Variants in AARS1 observed in about 807,000 individuals in gnomAD.
AARS1 encodes the protein alanine--tRNA ligase, cytoplasmic.
AARS1 carries 72 observed loss-of-function variants against 108.9 expected under a neutral mutation model. The observed-to-expected ratio is 0.66, with a 90% CI of 0.55 to 0.80. The LOEUF (loss-of-function observed/expected upper bound fraction) is 0.80. Among genes scored for constraint, AARS1 ranks in the 30% least tolerant of loss-of-function variants. The pLI, the probability that AARS1 is intolerant of heterozygous loss-of-function variation, is 0.00. For synonymous variants in AARS1, 489 were observed against 465.7 expected (o/e 1.05, Z -0.64); for missense variants, 1,193 against 1,233.2 (o/e 0.97, Z 0.49).
At chr16:70,272,506 CAAAAAAAAAAAAA>C (rs34129241) in intron 4 of AARS1, among the ~76,000 whole-genome samples, 2 of 17,024 alleles carry the variant, frequency 1.2e-4, no homozygotes, top group Admixed American at 1.3e-3. Flanking sequence ...AACTCCATCT[CAAAAAAAAAAAAA>C]AAAAAAAAAA....
At chr16:70,256,038 C>T (rs1368225879) in intron 15 of AARS1, among the ~76,000 whole-genome samples, 4 of 152,194 alleles carry the variant, frequency 2.6e-5, no homozygotes, top group Non-Finnish European at 5.9e-5. Context: ...TCTCCCCACA[C>T]AGTTGCTGTG....
At chr16:70,270,063 A>T in intron 6 of AARS1, 133 bp downstream of exon 6, 3 of 1,161,706 alleles carry the variant, frequency 2.6e-6, no homozygotes, top group Non-Finnish European at 3.8e-6. Context: ...CATTATTAAC[A>T]ATGAAGTAGG....
chr16:70,276,213 CAAA>C, intron 4 of AARS1: 1 of 202,980 alleles, frequency 4.9e-6, no homozygotes, highest in Non-Finnish European at 1.0e-5. Flanking sequence ...AGCTCTGTCT[CAAA>C]AAAATAAATA....
chr16:70,252,515 G>C lies in AARS1; in HGVS notation c.*206C>G. 1 of 605,808 alleles carries C rather than the reference G, an allele frequency of 1.7e-6. No individual in the cohort carries two copies. Among genetic ancestry groups the C allele is most frequent in the Non-Finnish European group, 2.9e-6 (1 of 341,188 alleles). The allele number at this position is 605,808 out of a possible 1,614,324, so 37.5% of individuals were successfully genotyped here. On this transcript the variant is annotated 3_prime_UTR_variant, in exon 21 of 21. Coordinates refer to ENST00000261772, the MANE Select transcript of AARS1 (RefSeq NM_001605.3). ...GACGATCAACAGCAATGCGGGGTTA[G>C]TGGTTCTAGACCGATGGCACTGACG... is the stretch of plus-strand genomic sequence containing the variant.
chr16:70,262,995 A>C (rs796474046), intron 11 of AARS1, among the ~76,000 whole-genome samples: 62 of 128,772 alleles, frequency 4.8e-4, no homozygotes, highest in Non-Finnish European at 6.0e-4. Context: ...AAAAAAAAAA[A>C]AAACAACAAC....
At chr16:70,277,184 T>C (rs752143354) in intron 2 of AARS1, 30 bp from the exon 3 acceptor site, 3 of 1,609,074 alleles carry the variant, frequency 1.9e-6, no homozygotes, top group Non-Finnish European at 2.6e-6. Context: ...GTTCAACTTT[T>C]AAAGGGTGCA....
At chr16:70,259,228 C>T (rs776336061) in intron 13 of AARS1, 42 bp from the exon 14 acceptor site, 22 of 1,578,100 alleles carry the variant, frequency 1.4e-5, no homozygotes, top group Non-Finnish European at 1.9e-5. Flanking sequence ...CTGTAATAGA[C>T]TGCTAGTTAT....
intron 11 of AARS1, among the ~76,000 whole-genome samples, chr16:70,264,543 C>T (rs1960219306): frequency 6.6e-6 from 1 of 151,998 alleles, no homozygotes; most frequent in African/African-American, 2.4e-5. Context: ...TCTCAAACTC[C>T]TGACCTTAGG....
chr16:70,270,687 A>G (rs1266856905), intron 5 of AARS1, among the ~76,000 whole-genome samples: 1 of 151,776 alleles, frequency 6.6e-6, no homozygotes, highest in Non-Finnish European at 1.5e-5. Flanking sequence ...AAAATACAAA[A>G]TTAGCCGAGC....
chr16:70,252,362 A>T lies in AARS1; in HGVS notation c.*359T>A. 1 of 362,518 alleles carries T rather than the reference A, an allele frequency of 2.8e-6. No individual in the cohort carries two copies. Among genetic ancestry groups the T allele is most frequent in the Non-Finnish European group, 5.1e-6 (1 of 194,786 alleles). The allele number at this position is 362,518 out of a possible 1,614,324, so 22.5% of individuals were successfully genotyped here. ...TCAAAAGAGCCAGCCCCTATTGGGA[A>T]GAGGGATAGAGATCATGCGGCATTA... On this transcript the variant is annotated 3_prime_UTR_variant, in exon 21 of 21. Transcript: ENST00000261772.
At chr16:70,283,156 T>C (rs1238159202) in intron 1 of AARS1, among the ~76,000 whole-genome samples, 10 of 152,116 alleles carry the variant, frequency 6.6e-5, no homozygotes, top group Non-Finnish European at 1.5e-4. Context: ...CCCAACACTT[T>C]GGGAGGGCAA....
In AARS1 at chr16:70,277,169, C is replaced by T; in HGVS notation, c.145-15G>A. On this transcript the variant is annotated splice_polypyrimidine_tract_variant and intron_variant, in intron 2 of 20. Coordinates refer to ENST00000261772, the MANE Select transcript of AARS1 (RefSeq NM_001605.3). ...ATGGGTTTAAACTAAAAGAGAAGGA[C>T]AGCAGTTCAACTTTTAAAGGGTGCA... is the stretch of plus-strand genomic sequence containing the variant. 6.2e-7 allele frequency: 1 copy of T among 1,613,790 alleles called. No homozygotes were observed. The highest frequency in any genetic ancestry group is 8.5e-7 in the Non-Finnish European group (1 of 1,179,746).
intron 4 of AARS1, among the ~76,000 whole-genome samples, chr16:70,272,506 CAAAAAAAAAAAAAAAAA>C (rs34129241): frequency 5.9e-5 from 1 of 17,024 alleles, no homozygotes; most frequent in African/African-American, 1.8e-4. Flanking sequence ...AACTCCATCT[CAAAAAAAAAAAAAAAAA>C]AAAAAAAAAA....
chr16:70,289,503 C>G lies in AARS1; in HGVS notation c.-104G>C, dbSNP rs1194086405. 2 of 451,246 alleles carry G rather than the reference C, an allele frequency of 4.4e-6. No individual in the cohort carries two copies. The highest frequency in any genetic ancestry group is 8.9e-6 in the Non-Finnish European group (2 of 224,346). 28.0% of individuals were successfully genotyped at this position (451,246 alleles called of 1,614,324 possible). Reference sequence around the variant, plus strand: ...TGCACCTATTCCCGCAGACGCGCAGCTGTACCGGCCTCAGACCACGACCTA... The same window carrying G: ...TGCACCTATTCCCGCAGACGCGCAGGTGTACCGGCCTCAGACCACGACCTA... On this transcript the variant is annotated 5_prime_UTR_variant, in exon 1 of 21. Transcript: ENST00000261772.
chr16:70,264,904 A>AC (rs750013388), intron 11 of AARS1, 54 bp downstream of exon 11: 1 of 1,608,284 alleles, frequency 6.2e-7, no homozygotes, highest in Non-Finnish European at 8.5e-7. Flanking sequence ...TCTTTCAAAT[A>AC]CCCCCCAGAT....
At position 70,265,613 on chromosome 16, in the gene AARS1, C is replaced by A; in HGVS notation, c.1272G>T (p.Leu424=). The change falls in exon 10 of 21, where the codon CTG becomes CTT. Residue 424 remains leucine, a synonymous_variant. Coordinates refer to ENST00000261772, the MANE Select transcript of AARS1 (RefSeq NM_001605.3). ...LYDTYGFPVD[L]TGLIAEEKGL... ...CCTTCTCTTCAGCAATCAGTCCAGT[C>A]AGATCCACTGGAAACCCATAGGTGT... 6.2e-7 allele frequency: 1 copy of A among 1,613,878 alleles called. No individual in the cohort carries two copies. Among genetic ancestry groups the A allele is most frequent in the Non-Finnish European group, 8.5e-7 (1 of 1,179,862 alleles).
At chr16:70,268,482 T>A in intron 7 of AARS1, 103 bp from the exon 8 acceptor site, 1 of 937,146 alleles carries the variant, frequency 1.1e-6, no homozygotes, top group Non-Finnish European at 1.7e-6. Context: ...GAACTTTCTT[T>A]TATCCTAAGC....
intron 2 of AARS1, among the ~76,000 whole-genome samples, chr16:70,278,583 A>G (rs1371412930): frequency 1.3e-5 from 2 of 151,842 alleles, no homozygotes; most frequent in African/African-American, 4.8e-5. Context: ...AAAAAAAGCA[A>G]GAGAGAAAGA....
At chr16:70,278,765 G>C (rs1960616647) in intron 2 of AARS1, among the ~76,000 whole-genome samples, 1 of 151,774 alleles carries the variant, frequency 6.6e-6, no homozygotes. Flanking sequence ...CTGTATCTTC[G>C]GCACCTAGCT....
Sources: gnomAD v4.1 joint callset for allele counts (sites outside exome capture counted in the v4.1 genomes callset) on GRCh38, gnomAD v4.1.1 for gene constraint, MANE v1.5 for transcripts, NCBI Gene and HGNC (gene_info 2026-07-23, HGNC 2026-07-21) for gene names.